AAK1: variants seen among roughly 807,000 people sequenced by gnomAD.
The protein encoded by AAK1 is AP2 associated kinase 1.
Under a neutral mutation model 116.0 loss-of-function variants are expected in AAK1, and 37 were observed. The observed-to-expected ratio is 0.32, with a 90% CI of 0.25 to 0.42. The LOEUF (loss-of-function observed/expected upper bound fraction) is 0.42. Among genes scored for constraint, AAK1 ranks in the 10% least tolerant of loss-of-function variants. The probability of loss-of-function intolerance (pLI) is 1.00; values close to 1 mark genes in which losing one functional copy is unlikely to be tolerated. For missense variants in AAK1, 919 were observed against 1,170.6 expected, an observed-to-expected ratio of 0.79 and a Z score of 3.14; for synonymous variants, 458 against 439.9, an observed-to-expected ratio of 1.04 and a Z score of -0.51.
intron 3 of AAK1, among the ~76,000 whole-genome samples, chr2:69,550,252 T>C (rs1671119359): frequency 6.6e-6 from 1 of 152,212 alleles, no homozygotes; most frequent in African/African-American, 2.4e-5. Context: ...TTATTGAACC[T>C]GAAGGCTCTC....
At chr2:69,585,743 C>T (rs1056425377) in intron 2 of AAK1, among the ~76,000 whole-genome samples, 1 of 152,180 alleles carries the variant, frequency 6.6e-6, no homozygotes, top group Non-Finnish European at 1.5e-5. Flanking sequence ...GCATATGGTA[C>T]TAGGAAAAGA....
chr2:69,475,608 T>C lies in AAK1; in HGVS notation c.*261A>G, dbSNP rs1341572977. 1 of 1,227,676 alleles carries C rather than the reference T, an allele frequency of 8.1e-7. No homozygotes were observed. Among genetic ancestry groups the C allele is most frequent in the Non-Finnish European group, 1.0e-6 (1 of 978,074 alleles). 76.0% of individuals were successfully genotyped at this position (1,227,676 alleles called of 1,614,324 possible). On this transcript the variant is annotated 3_prime_UTR_variant, in exon 22 of 22. Transcript: ENST00000409085. ...GAAGCTCATGGCATCTAGTGCTTGATTTAAGATAATGCTATTGAAGAAGGG... is the reference window on the plus strand; with the variant it reads ...GAAGCTCATGGCATCTAGTGCTTGACTTAAGATAATGCTATTGAAGAAGGG...
Position 69,579,516 on chromosome 2 carries a change from T to G in AAK1, c.164-22538A>C, listed in dbSNP as rs1010035481. Among the ~76,000 whole-genome samples, 12 of 152,012 alleles carry G rather than the reference T, an allele frequency of 7.9e-5. No individual in the cohort carries two copies. In the East Asian group the frequency reaches 2.3e-3, roughly 29 times the overall value. On this transcript the variant is annotated intron_variant, in intron 2 of 21. Transcript: ENST00000409085. ...ATTGCTTGGGCCCGGGAGGTGGAGG[T>G]TGAAGTGAGCTGAGAAGCTGAGACT...
At chr2:69,512,810 T>C (rs1275106570) in intron 13 of AAK1, among the ~76,000 whole-genome samples, 1 of 152,234 alleles carries the variant, frequency 6.6e-6, no homozygotes, top group Non-Finnish European at 1.5e-5. Context: ...GTAGACACTT[T>C]TGTGTAGGAG....
chr2:69,476,045 C>A, intron 21 of AAK1, 82 bp from the exon 22 acceptor site: 5 of 1,464,298 alleles, frequency 3.4e-6, no homozygotes, highest in East Asian at 2.5e-5. Context: ...GAAGAAAAAC[C>A]AAACCAAAAC....
intron 3 of AAK1, among the ~76,000 whole-genome samples, chr2:69,554,775 C>T (rs186677075): frequency 5.3e-5 from 8 of 152,308 alleles, no homozygotes; most frequent in Non-Finnish European, 7.4e-5. Context: ...AATTGCTTGA[C>T]GTTTTTTGTA....
chr2:69,617,301 C>A lies in AAK1; in HGVS notation c.163+25577G>T, dbSNP rs866650199. 9.2e-5 allele frequency among the ~76,000 whole-genome samples: 14 copies of A among 152,310 alleles called. No homozygotes were observed. The East Asian group carries it at 1.3e-3, about 15-fold the overall frequency. ...TTTAAGGAACACAATCAATTCACAT[C>A]GAGTTGCTTTGACATTAATCTTTCA... On this transcript the variant is annotated intron_variant, in intron 2 of 21. Transcript: ENST00000409085.
chr2:69,496,690 G>A (rs1675758312), intron 16 of AAK1, among the ~76,000 whole-genome samples: 1 of 152,182 alleles, frequency 6.6e-6, no homozygotes, highest in Admixed American at 6.5e-5. Flanking sequence ...AATGTCGAGA[G>A]GAGGTAATGT....
intron 2 of AAK1, among the ~76,000 whole-genome samples, chr2:69,615,820 G>C (rs1048944028): frequency 1.3e-5 from 2 of 152,214 alleles, no homozygotes; most frequent in African/African-American, 4.8e-5. Flanking sequence ...TAACTGTTTT[G>C]TTCATCATAA....
chr2:69,626,577 G>A (rs1407895467), intron 2 of AAK1, among the ~76,000 whole-genome samples: 1 of 150,770 alleles, frequency 6.6e-6, no homozygotes, highest in African/African-American at 2.4e-5. Context: ...ACAGCTCACT[G>A]TAGCTTCAAC....
chr2:69,573,187 C>G (rs532347856), intron 2 of AAK1, among the ~76,000 whole-genome samples: 1 of 152,236 alleles, frequency 6.6e-6, no homozygotes, highest in African/African-American at 2.4e-5. Context: ...TAACCAGAGT[C>G]TTGGGGGCCT....
chr2:69,495,411 T>G (rs1045365874), intron 17 of AAK1, among the ~76,000 whole-genome samples: 1 of 152,182 alleles, frequency 6.6e-6, no homozygotes, highest in Admixed American at 6.5e-5. Flanking sequence ...ACTTCACTGA[T>G]GAAGAACCAA....
Position 69,552,642 on chromosome 2 carries a change from C to T in AAK1, c.282+4218G>A, listed in dbSNP as rs956270365. On this transcript the variant is annotated intron_variant, in intron 3 of 21. Transcript: ENST00000409085. ...AGGAGAATTACCTGAACCTGGGAGG[C>T]AGAGATTGCAGTGAGCCGGGATTGC... Among the ~76,000 whole-genome samples, 7 of 151,644 alleles carry T rather than the reference C, an allele frequency of 4.6e-5. No individual in the cohort carries two copies. In the East Asian group the frequency reaches 1.2e-3, roughly 25 times the overall value.
rs1400341560 is a variant in AAK1, at chr2:69,460,338, A to G, written c.*15531T>C. On this transcript the variant is annotated 3_prime_UTR_variant, in exon 22 of 22. Transcript: ENST00000409085. Reference sequence around the variant, plus strand: ...TAAAATTTCCTATGTGATATACTGCATATATATTATATCTGATATATGTTT... The same window carrying G: ...TAAAATTTCCTATGTGATATACTGCGTATATATTATATCTGATATATGTTT... 1.3e-5 allele frequency: 2 copies of G among 152,520 alleles called. No individual in the cohort carries two copies. The highest frequency in any genetic ancestry group is 4.8e-5 in the African/African-American group (2 of 41,322). The allele number at this position is 152,520 out of a possible 1,614,324, so 9.4% of individuals were successfully genotyped here.
rs573112183 is a variant in AAK1 at position 69,480,328 on chromosome 2, A to T, written c.2569+532T>A. Reference sequence around the variant, plus strand: ...TGGGCAGTTAAGAAATTCTATTAAGACTGAATTTTGAAATTAGGGTACAAG... The same window carrying T: ...TGGGCAGTTAAGAAATTCTATTAAGTCTGAATTTTGAAATTAGGGTACAAG... On this transcript the variant is annotated intron_variant, in intron 19 of 21. Transcript: ENST00000409085. Among the ~76,000 whole-genome samples, 3 of 152,206 alleles carry T rather than the reference A, an allele frequency of 2.0e-5. No individual in the cohort carries two copies. In the South Asian group the frequency reaches 6.2e-4, roughly 32 times the overall value.
chr2:69,639,096 T>C (rs944487251), intron 2 of AAK1, among the ~76,000 whole-genome samples: 3 of 152,216 alleles, frequency 2.0e-5, no homozygotes, highest in African/African-American at 7.2e-5. Context: ...ATGTGGACAT[T>C]TGGTACTTCT....
intron 2 of AAK1, among the ~76,000 whole-genome samples, chr2:69,588,221 T>C (rs766316579): frequency 4.6e-5 from 7 of 152,176 alleles, no homozygotes; most frequent in Non-Finnish European, 8.8e-5. Flanking sequence ...TGAGACAGCA[T>C]CATAAAGCAC....
intron 3 of AAK1, among the ~76,000 whole-genome samples, chr2:69,553,082 G>C (rs1379913698): frequency 6.6e-6 from 1 of 151,908 alleles, no homozygotes; most frequent in Non-Finnish European, 1.5e-5. Flanking sequence ...TTCAGAAAAA[G>C]GGGAAAAAAA....
At chr2:69,481,083 G>T in intron 18 of AAK1, 122 bp from the exon 19 acceptor site, 1 of 844,008 alleles carries the variant, frequency 1.2e-6, no homozygotes. Flanking sequence ...ATGGTGTCTT[G>T]CTCCTGAGCT....
Sources: gnomAD v4.1 joint callset for allele counts (sites outside exome capture counted in the v4.1 genomes callset) on GRCh38, gnomAD v4.1.1 for gene constraint, MANE v1.5 for transcripts, NCBI Gene and HGNC (gene_info 2026-07-23, HGNC 2026-07-21) for gene names.